The following AHCYL2 variants were observed in gnomAD, a reference collection of about 807,000 sequenced individuals.
AHCYL2 encodes the protein adenosylhomocysteinase like 2.
A neutral mutation model predicts 81.4 loss-of-function variants in AHCYL2; 28 were observed. The observed-to-expected ratio is 0.34, with a 90% confidence interval of 0.25 to 0.47. The LOEUF is 0.47. Among genes scored for constraint, AHCYL2 ranks in the 20% least tolerant of loss-of-function variants. The pLI, the probability that AHCYL2 is intolerant of heterozygous loss-of-function variation, is 1.00. For missense variants in AHCYL2, 551 were observed against 785.1 expected, an observed-to-expected ratio of 0.70 and a Z score of 3.56; for synonymous variants, 272 against 290.2, an observed-to-expected ratio of 0.94 and a Z score of 0.64.
intron 1 of AHCYL2, among the ~76,000 whole-genome samples, chr7:129,367,913 C>G (rs1794186265): frequency 6.6e-6 from 1 of 152,214 alleles, no homozygotes; most frequent in Non-Finnish European, 1.5e-5. Flanking sequence ...CTGGTGTGAG[C>G]AGATGGGGAG....
At chr7:129,256,462 A>G (rs1218596492) in intron 1 of AHCYL2, among the ~76,000 whole-genome samples, 2 of 151,340 alleles carry the variant, frequency 1.3e-5, no homozygotes, top group Admixed American at 6.6e-5. Flanking sequence ...TAAAATACTT[A>G]TATCCTTTTG....
chr7:129,235,725 T>C (rs1476206249), intron 1 of AHCYL2, among the ~76,000 whole-genome samples: 1 of 152,184 alleles, frequency 6.6e-6, no homozygotes, highest in African/African-American at 2.4e-5. Context: ...AAAAGCATAC[T>C]CTCTATACAT....
At chr7:129,298,179 T>G (rs1797119006) in intron 1 of AHCYL2, among the ~76,000 whole-genome samples, 1 of 152,224 alleles carries the variant, frequency 6.6e-6, no homozygotes, top group South Asian at 2.1e-4. Flanking sequence ...ATATTCCTTT[T>G]CTAATGGCAA....
At chr7:129,286,106 G>A (rs1232584670) in intron 1 of AHCYL2, among the ~76,000 whole-genome samples, 1 of 152,112 alleles carries the variant, frequency 6.6e-6, no homozygotes, top group African/African-American at 2.4e-5. Context: ...TTAGGTCACA[G>A]TGTCTTTCTT....
At chr7:129,335,985 A>G (rs1446323316) in intron 1 of AHCYL2, among the ~76,000 whole-genome samples, 3 of 151,498 alleles carry the variant, frequency 2.0e-5, no homozygotes, top group Admixed American at 6.6e-5. Context: ...CATAGAGTAG[A>G]TGGCTTCTAT....
Position 129,406,671 on chromosome 7 carries a change from G to A in AHCYL2, c.1295+205G>A, listed in dbSNP as rs1796321530. 6.6e-6 allele frequency among the ~76,000 whole-genome samples: 1 copy of A among 152,156 alleles called. No individual in the cohort carries two copies. The highest frequency in any genetic ancestry group is 1.5e-5 in the Non-Finnish European group (1 of 68,020). On this transcript the variant is annotated intron_variant, in intron 10 of 16. Coordinates refer to ENST00000325006, the MANE Select transcript of AHCYL2 (RefSeq NM_015328.4). The surrounding 1 kb of genome is among the most constrained non-coding windows in gnomAD (Gnocchi z 4.3). ...AAAAGCGAAAATTTAGAAATCCTGTGGAGATAGTAACAGGGATTCTGTCAG... is the reference window on the plus strand; with the variant it reads ...AAAAGCGAAAATTTAGAAATCCTGTAGAGATAGTAACAGGGATTCTGTCAG...
chr7:129,241,350 G>A (rs1285984217), intron 1 of AHCYL2, among the ~76,000 whole-genome samples: 1 of 152,136 alleles, frequency 6.6e-6, no homozygotes, highest in Non-Finnish European at 1.5e-5. Context: ...CAGCACTTTG[G>A]GAGGCTGAGG....
chr7:129,413,186 G>T (rs1221374023), intron 11 of AHCYL2, among the ~76,000 whole-genome samples: 1 of 144,292 alleles, frequency 6.9e-6, no homozygotes, highest in African/African-American at 2.6e-5. Context: ...CTGTCACCCA[G>T]GCTGGAGTGT....
chr7:129,271,812 A>C (rs186623591), intron 1 of AHCYL2, among the ~76,000 whole-genome samples: 4 of 152,374 alleles, frequency 2.6e-5, no homozygotes, highest in African/African-American at 7.2e-5. Context: ...GATAAATCCA[A>C]ATGCATCAGT....
intron 1 of AHCYL2, among the ~76,000 whole-genome samples, chr7:129,354,945 A>G (rs1275833677): frequency 1.3e-5 from 2 of 151,944 alleles, no homozygotes; most frequent in Non-Finnish European, 2.9e-5. Flanking sequence ...TTCAGATTCC[A>G]TATTTGCAAA....
At chr7:129,234,306 A>G (rs1378560155) in intron 1 of AHCYL2, among the ~76,000 whole-genome samples, 1 of 151,636 alleles carries the variant, frequency 6.6e-6, no homozygotes, top group Non-Finnish European at 1.5e-5. Flanking sequence ...CTGCAGTGGC[A>G]CTATCTCGGC....
intron 12 of AHCYL2, among the ~76,000 whole-genome samples, chr7:129,418,166 G>A (rs1796946162): frequency 6.6e-6 from 1 of 152,148 alleles, no homozygotes; most frequent in Admixed American, 6.6e-5. Flanking sequence ...TTAACTCAAG[G>A]AGGTATAGGC....
At chr7:129,269,280 C>T (rs1363073739) in intron 1 of AHCYL2, among the ~76,000 whole-genome samples, 2 of 151,550 alleles carry the variant, frequency 1.3e-5, no homozygotes, top group Non-Finnish European at 2.9e-5. Context: ...GTGTGCACCA[C>T]CATGCCTAAT....
At chr7:129,238,141 G>A (rs555027882) in intron 1 of AHCYL2, among the ~76,000 whole-genome samples, 4 of 152,304 alleles carry the variant, frequency 2.6e-5, no homozygotes, top group African/African-American at 7.2e-5. Context: ...CATTAACTGC[G>A]TTAGCTTAAA....
chr7:129,320,020 T>C (rs904948312), intron 1 of AHCYL2, among the ~76,000 whole-genome samples: 5 of 152,232 alleles, frequency 3.3e-5, no homozygotes, highest in Non-Finnish European at 7.3e-5. Context: ...TATTGTTTTA[T>C]ATTCATGACA....
At position 129,427,882 on chromosome 7, in the gene AHCYL2, T is replaced by C. The variant is rs2150974632; in HGVS notation, c.*837T>C. 1 of 152,748 alleles carries C rather than the reference T, an allele frequency of 6.5e-6. No individual in the cohort carries two copies. Among genetic ancestry groups the C allele is most frequent in the South Asian group, 2.1e-4 (1 of 4,832 alleles). The allele number at this position is 152,748 out of a possible 1,614,324, so 9.5% of individuals were successfully genotyped here. A position where few individuals can be genotyped will look rare whatever the true frequency, so the allele number is the denominator to read the frequency against. ...TAGTTTCCAAGGAAGCCCCTCCAGA[T>C]TGGCACTATCTCAGAAAAGGAGAGC... is the stretch of plus-strand genomic sequence containing the variant. On this transcript the variant is annotated 3_prime_UTR_variant, in exon 17 of 17. Transcript: ENST00000325006. The surrounding 1 kb of genome is among the most constrained non-coding windows in gnomAD (Gnocchi z 5.5).
chr7:129,277,634 A>G (rs981797483), intron 1 of AHCYL2, among the ~76,000 whole-genome samples: 7 of 152,146 alleles, frequency 4.6e-5, no homozygotes, highest in Admixed American at 2.6e-4. Flanking sequence ...TCTGCTTCAT[A>G]TAATAATAGA....
At chr7:129,405,252 A>G in intron 8 of AHCYL2, 39 bp downstream of exon 8, 1 of 1,478,470 alleles carries the variant, frequency 6.8e-7, no homozygotes, top group South Asian at 1.3e-5. Flanking sequence ...TGTGATGTCC[A>G]GTTGAGATTC....
intron 9 of AHCYL2, 74 bp downstream of exon 9, chr7:129,405,973 A>G (rs913248202): frequency 2.8e-6 from 4 of 1,411,030 alleles, no homozygotes; most frequent in Middle Eastern, 3.6e-4. Flanking sequence ...TTTTATTTGT[A>G]TGGACATATG....
Sources: gnomAD v4.1 joint callset for allele counts (sites outside exome capture counted in the v4.1 genomes callset) on GRCh38, gnomAD v4.1.1 for gene constraint, Gnocchi (gnomAD v3.1) non-coding constraint, MANE v1.5 for transcripts, NCBI Gene and HGNC (gene_info 2026-07-23, HGNC 2026-07-21) for gene names.